The following DCUN1D4 variants were observed in gnomAD, a reference collection of about 807,000 sequenced individuals.
DCUN1D4 encodes the protein defective in cullin neddylation 1 domain containing 4.
DCUN1D4 carries 22 observed loss-of-function variants against 47.9 expected under a neutral mutation model. That is an observed-to-expected ratio of 0.46 (90% CI 0.33 to 0.66). The LOEUF (loss-of-function observed/expected upper bound fraction) is 0.66. Ranked by LOEUF, DCUN1D4 falls within the 30% of genes least tolerant of loss-of-function variation. The probability of loss-of-function intolerance (pLI) is 0.02; values close to 1 mark genes in which losing one functional copy is unlikely to be tolerated. For missense variants in DCUN1D4, 301 were observed against 340.8 expected (o/e 0.88, Z 0.92); for synonymous variants, 121 against 112.2 (o/e 1.08, Z -0.50).
intron 7 of DCUN1D4, among the ~76,000 whole-genome samples, chr4:51,893,456 C>T (rs952449450): frequency 2.6e-5 from 4 of 151,192 alleles, no homozygotes; most frequent in African/African-American, 9.8e-5. Context: ...GACGGAATGT[C>T]CCTCTGTCGC....
At chr4:51,882,214 T>TA (rs1728761868) in intron 5 of DCUN1D4, among the ~76,000 whole-genome samples, 1 of 152,176 alleles carries the variant, frequency 6.6e-6, no homozygotes, top group Non-Finnish European at 1.5e-5. Context: ...ATTAATAACT[T>TA]ACATAACCAC....
intron 5 of DCUN1D4, among the ~76,000 whole-genome samples, chr4:51,880,271 G>A (rs1208386186): frequency 2.0e-5 from 3 of 152,220 alleles, no homozygotes; most frequent in Non-Finnish European, 2.9e-5. Flanking sequence ...AACAGGCTGT[G>A]ATGCCACAGA....
intron 7 of DCUN1D4, among the ~76,000 whole-genome samples, chr4:51,894,126 C>A (rs1730868279): frequency 6.6e-6 from 1 of 152,146 alleles, no homozygotes; most frequent in Admixed American, 6.5e-5. Context: ...GCCACTTGAT[C>A]CTTGCAATTC....
chr4:51,876,836 T>G (rs985608206), intron 4 of DCUN1D4, among the ~76,000 whole-genome samples: 1 of 152,206 alleles, frequency 6.6e-6, no homozygotes, highest in African/African-American at 2.4e-5. Flanking sequence ...AATATTATTT[T>G]CATATTCTTA....
In DCUN1D4 at chr4:51,899,214, T is replaced by TA. The variant is rs200564413; in HGVS notation, c.507-49dup. On this transcript the variant is annotated intron_variant, in intron 7 of 10. Coordinates refer to ENST00000334635, the MANE Select transcript of DCUN1D4 (RefSeq NM_001040402.3). ...ATTGTGTTTATATTACTGCCTCTATTAAAAAAATAAATAAATGAACTCAGG... is the reference window on the plus strand; with the variant it reads ...ATTGTGTTTATATTACTGCCTCTATTAAAAAAAATAAATAAATGAACTCAGG... 15,134 of 1,494,588 alleles carry TA rather than the reference T, an allele frequency of 0.01. 1,302 individuals are homozygous for TA. The African/African-American group carries it at 0.19, about 19-fold the overall frequency. 92.6% of individuals were successfully genotyped at this position (1,494,588 alleles called of 1,614,324 possible). A position where few individuals can be genotyped will look rare whatever the true frequency, so the allele number is the denominator to read the frequency against.
intron 3 of DCUN1D4, among the ~76,000 whole-genome samples, chr4:51,872,591 G>C (rs943381339): frequency 6.6e-6 from 1 of 152,182 alleles, no homozygotes; most frequent in African/African-American, 2.4e-5. Flanking sequence ...CACTCTCCTG[G>C]ATTTCCTTCC....
intron 5 of DCUN1D4, among the ~76,000 whole-genome samples, chr4:51,883,236 T>C (rs911327472): frequency 2.0e-5 from 3 of 152,180 alleles, no homozygotes; most frequent in African/African-American, 7.2e-5. Flanking sequence ...GTGAACAAAT[T>C]TGAAAACTGC....
chr4:51,887,182 C>T (rs763519684), intron 6 of DCUN1D4: 3 of 437,676 alleles, frequency 6.9e-6, no homozygotes, highest in South Asian at 4.9e-5. Context: ...CTCACTGCAA[C>T]CTCTGCCTCC....
chr4:51,860,515 G>T (rs762405752), intron 1 of DCUN1D4: 11 of 448,636 alleles, frequency 2.5e-5, no homozygotes, highest in Non-Finnish European at 4.0e-5. Flanking sequence ...TAAAAGAAAA[G>T]AGGTTTAATT....
chr4:51,864,296 G>C (rs1725554929), intron 3 of DCUN1D4, among the ~76,000 whole-genome samples: 1 of 152,148 alleles, frequency 6.6e-6, no homozygotes, highest in Non-Finnish European at 1.5e-5. Flanking sequence ...GATGCTGATG[G>C]AGCTGGTCTG....
At chr4:51,849,885 T>C (rs2109815136) in intron 1 of DCUN1D4, among the ~76,000 whole-genome samples, 1 of 152,206 alleles carries the variant, frequency 6.6e-6, no homozygotes. Flanking sequence ...GGAATGTTTA[T>C]TTTGTTTAGC....
chr4:51,854,317 G>A (rs1005608603), intron 1 of DCUN1D4, among the ~76,000 whole-genome samples: 3 of 151,980 alleles, frequency 2.0e-5, no homozygotes, highest in African/African-American at 7.3e-5. Context: ...TATATTTCAG[G>A]TTATTTGAGA....
chr4:51,835,632 C>G, the DCUN1D4 span, among the ~76,000 whole-genome samples: 1 of 152,008 alleles, frequency 6.6e-6, no homozygotes. Context: ...TAAGACTAGC[C>G]TGTGGGGTGG....
At chr4:51,867,327 C>G (rs1726112940) in intron 3 of DCUN1D4, among the ~76,000 whole-genome samples, 1 of 152,222 alleles carries the variant, frequency 6.6e-6, no homozygotes. Context: ...CAGCTCTTCT[C>G]TCTTCACCGC....
At chr4:51,837,297 G>A in the DCUN1D4 span, among the ~76,000 whole-genome samples, 5 of 152,216 alleles carry the variant, frequency 3.3e-5, no homozygotes, top group Non-Finnish European at 5.9e-5. Context: ...AAAAGAGTCA[G>A]TTTAAGAATT....
intron 1 of DCUN1D4, among the ~76,000 whole-genome samples, chr4:51,855,549 G>A (rs903688559): frequency 1.2e-4 from 19 of 152,184 alleles, no homozygotes; most frequent in African/African-American, 4.1e-4. Flanking sequence ...GCCTGTGAAC[G>A]TCAAGGGTCA....
At chr4:51,849,466 C>G (rs1161726143) in intron 1 of DCUN1D4, among the ~76,000 whole-genome samples, 2 of 152,176 alleles carry the variant, frequency 1.3e-5, no homozygotes, top group African/African-American at 4.8e-5. Flanking sequence ...ACTAAGAATT[C>G]TGATACTTCA....
intron 8 of DCUN1D4, among the ~76,000 whole-genome samples, chr4:51,905,033 T>C (rs1351389230): frequency 1.3e-5 from 2 of 152,116 alleles, no homozygotes; most frequent in Non-Finnish European, 2.9e-5. Flanking sequence ...AATGATAAAA[T>C]AGCCCCTTTA....
chr4:51,874,417 T>TTGCA, intron 4 of DCUN1D4, 32 bp downstream of exon 4: 1 of 1,510,924 alleles, frequency 6.6e-7, no homozygotes, highest in Non-Finnish European at 9.1e-7. Flanking sequence ...TCAGAATCAG[T>TTGCA]GATACATATG....
Sources: allele counts gnomAD v4.1 joint callset (sites outside exome capture counted in the v4.1 genomes callset), GRCh38; gene constraint gnomAD v4.1.1; transcripts MANE v1.5; gene names NCBI Gene and HGNC (gene_info 2026-07-23, HGNC 2026-07-21).